Variants in DHCR24 observed in about 807,000 individuals in gnomAD.
DHCR24 encodes the protein 24-dehydrocholesterol reductase, also known as delta(24)-sterol reductase.
DHCR24 carries 28 observed loss-of-function variants against 61.2 expected under a neutral mutation model. The ratio of observed to expected loss-of-function variants is 0.46; its 90% confidence interval spans 0.34 to 0.63. The LOEUF is 0.63. Among genes scored for constraint, DHCR24 ranks in the 20% least tolerant of loss-of-function variants. DHCR24 has a pLI of 0.01. For missense variants in DHCR24, 538 were observed against 679.1 expected, an observed-to-expected ratio of 0.79 and a Z score of 2.31; for synonymous variants, 261 against 275.9, an observed-to-expected ratio of 0.95 and a Z score of 0.54.
intron 2 of DHCR24, among the ~76,000 whole-genome samples, chr1:54,881,561 C>T (rs1184601329): frequency 6.6e-6 from 1 of 152,084 alleles, no homozygotes; most frequent in Non-Finnish European, 1.5e-5. Flanking sequence ...TTAGTTCAAC[C>T]ATGTGGGAGA....
At chr1:54,880,896 T>G (rs1199417830) in intron 2 of DHCR24, among the ~76,000 whole-genome samples, 4 of 151,952 alleles carry the variant, frequency 2.6e-5, no homozygotes, top group African/African-American at 9.7e-5. Flanking sequence ...CGCCTGTAAT[T>G]CTAGCACTTT....
chr1:54,876,974 G>T (rs989643010), intron 2 of DHCR24, among the ~76,000 whole-genome samples: 19 of 151,892 alleles, frequency 1.3e-4, no homozygotes, highest in African/African-American at 4.6e-4. Flanking sequence ...CAGGAAGGCG[G>T]GGACAACTTG....
Position 54,887,149 on chromosome 1 carries a change from G to T in DHCR24, c.-30C>A, listed in dbSNP as rs770540090. On this transcript the variant is annotated 5_prime_UTR_variant, in exon 1 of 9. Transcript: ENST00000371269. ...CGGCGCCGCGCGGTAAGCGCTGCGG[G>T]TTCGCGCCTCCTGTCACTGCCGCCA... 2.6e-6 allele frequency: 4 copies of T among 1,530,854 alleles called. No homozygotes were observed. The highest frequency in any genetic ancestry group is 2.4e-5 in the East Asian group (1 of 40,818). 94.8% of individuals were successfully genotyped at this position (1,530,854 alleles called of 1,614,324 possible).
intron 2 of DHCR24, among the ~76,000 whole-genome samples, chr1:54,876,406 C>T (rs760650100): frequency 2.4e-4 from 37 of 152,324 alleles, no homozygotes; most frequent in African/African-American, 4.6e-4. Context: ...GTAATCCCAG[C>T]ACTTTGGGAG....
At chr1:54,860,485 TC>T (rs1646929820) in intron 6 of DHCR24, among the ~76,000 whole-genome samples, 1 of 151,962 alleles carries the variant, frequency 6.6e-6, no homozygotes, top group South Asian at 2.1e-4. Context: ...TGAGGTAGGG[TC>T]CCCCTGGCCC....
intron 1 of DHCR24, among the ~76,000 whole-genome samples, chr1:54,885,796 G>C (rs1418777608): frequency 6.6e-6 from 1 of 152,150 alleles, no homozygotes; most frequent in Non-Finnish European, 1.5e-5. Context: ...AGTCTGACAG[G>C]GGAGACAAGC....
intron 7 of DHCR24, 82 bp downstream of exon 7, chr1:54,853,955 G>T: frequency 7.2e-7 from 1 of 1,384,566 alleles, no homozygotes. Flanking sequence ...TGTGCCCAAG[G>T]TCGGTCACAC....
In DHCR24 at chr1:54,864,544, G is replaced by A. The variant is rs192999407; in HGVS notation, c.1020+759C>T. On this transcript the variant is annotated intron_variant, in intron 6 of 8. Transcript: ENST00000371269. Reference sequence around the variant, plus strand: ...GGCTGGGGAAAGGGGAGAGAATAGGGAGTGGCTGCTTAATGGGTATAGGGT... The same window carrying A: ...GGCTGGGGAAAGGGGAGAGAATAGGAAGTGGCTGCTTAATGGGTATAGGGT... 5.9e-5 allele frequency among the ~76,000 whole-genome samples: 9 copies of A among 152,312 alleles called. No individual in the cohort carries two copies. In the East Asian group the frequency reaches 1.3e-3, roughly 23 times the overall value.
At chr1:54,868,318 A>T (rs1446944874) in intron 5 of DHCR24, among the ~76,000 whole-genome samples, 1 of 152,024 alleles carries the variant, frequency 6.6e-6, no homozygotes, top group Non-Finnish European at 1.5e-5. Context: ...AAAATACAAA[A>T]AATTAGCCGG....
At chr1:54,871,109 A>T (rs564194782) in intron 5 of DHCR24, among the ~76,000 whole-genome samples, 1 of 152,234 alleles carries the variant, frequency 6.6e-6, no homozygotes, top group South Asian at 2.1e-4. Context: ...AGGACCAAAG[A>T]TTACATCCAC....
chr1:54,858,804 T>C (rs1011185109), intron 6 of DHCR24, among the ~76,000 whole-genome samples: 38 of 152,174 alleles, frequency 2.5e-4, no homozygotes, highest in African/African-American at 8.9e-4. Context: ...ATCTGGCTAA[T>C]TTTGTATTTT....
chr1:54,886,634 TC>T, intron 1 of DHCR24: 3 of 1,484,862 alleles, frequency 2.0e-6, no homozygotes, highest in East Asian at 2.7e-5. Flanking sequence ...GCTTCGCACC[TC>T]CCCCTCTTCC....
intron 3 of DHCR24, among the ~76,000 whole-genome samples, 188 bp downstream of exon 3, chr1:54,875,754 A>G (rs113885466): frequency 1.3e-5 from 2 of 152,170 alleles, no homozygotes; most frequent in South Asian, 2.1e-4. Flanking sequence ...TGATAACTTG[A>G]GCTGCTCAGA....
At chr1:54,877,477 A>G (rs1647040278) in intron 2 of DHCR24, among the ~76,000 whole-genome samples, 1 of 151,854 alleles carries the variant, frequency 6.6e-6, no homozygotes, top group South Asian at 2.1e-4. Context: ...GACATAAACA[A>G]TTAAAGTTAG....
rs1646898047 is a variant in DHCR24, at chr1:54,854,860, C to T, written c.1021-626G>A. Among the ~76,000 whole-genome samples the T allele has an allele frequency of 2.6e-5, 4 of 152,190 alleles. No homozygotes were observed. The South Asian group carries it at 8.3e-4, about 31-fold the overall frequency. On this transcript the variant is annotated intron_variant, in intron 6 of 8. Coordinates refer to ENST00000371269, the MANE Select transcript of DHCR24 (RefSeq NM_014762.4). ...GAAACCCTCCTGCGCAGAAGCTGTT[C>T]TCTTCCACGCCTCAGACTGCCACGA...
At chr1:54,869,577 A>T (rs115050162) in intron 5 of DHCR24, among the ~76,000 whole-genome samples, 24 of 119,784 alleles carry the variant, frequency 2.0e-4, no homozygotes, top group African/African-American at 6.8e-4. Flanking sequence ...GAAGACATGC[A>T]CACATACATA....
chr1:54,882,845 G>A (rs1179623238), intron 2 of DHCR24, among the ~76,000 whole-genome samples: 2 of 152,146 alleles, frequency 1.3e-5, no homozygotes, highest in African/African-American at 4.8e-5. Flanking sequence ...GGGGCGGGTA[G>A]GGGAAGAGGC....
At chr1:54,852,933 T>C (rs1424407356) in intron 8 of DHCR24, among the ~76,000 whole-genome samples, 1 of 152,220 alleles carries the variant, frequency 6.6e-6, no homozygotes, top group Non-Finnish European at 1.5e-5. Context: ...GGGAATTTTA[T>C]ATGAAAGGAA....
chr1:54,873,475 A>G (rs952813868), intron 4 of DHCR24, among the ~76,000 whole-genome samples: 1 of 152,322 alleles, frequency 6.6e-6, no homozygotes, highest in African/African-American at 2.4e-5. Flanking sequence ...AGTTAACTGT[A>G]AACAGCATCA....
Sources: allele counts gnomAD v4.1 joint callset (sites outside exome capture counted in the v4.1 genomes callset), GRCh38; gene constraint gnomAD v4.1.1; transcripts MANE v1.5; gene names NCBI Gene and HGNC (gene_info 2026-07-23, HGNC 2026-07-21).